The following APBA1 variants were observed in gnomAD, a reference collection of about 807,000 sequenced individuals.
APBA1 encodes amyloid beta precursor protein binding family A member 1, also known as amyloid-beta A4 precursor protein-binding family A member 1.
A neutral mutation model predicts 86.6 loss-of-function variants in APBA1; 55 were observed. The ratio of observed to expected loss-of-function variants is 0.64; its 90% CI spans 0.51 to 0.80. The LOEUF (loss-of-function observed/expected upper bound fraction) is 0.80. Among genes scored for constraint, APBA1 ranks in the 30% least tolerant of loss-of-function variants. APBA1 has a pLI of 0.00. For synonymous variants in APBA1, 511 were observed against 493.9 expected (o/e 1.03, Z -0.46); for missense variants, 1,090 against 1,183.0 (o/e 0.92, Z 1.15).
chr9:69,558,302 C>T (rs1836893333), intron 1 of APBA1, among the ~76,000 whole-genome samples: 1 of 152,040 alleles, frequency 6.6e-6, no homozygotes. Context: ...AGATGTTAAA[C>T]ATTAAATCTG....
chr9:69,558,547 C>T (rs200482384), intron 1 of APBA1, among the ~76,000 whole-genome samples: 123 of 86,530 alleles, frequency 1.4e-3, no homozygotes, highest in South Asian at 6.9e-3. Flanking sequence ...CACACACATA[C>T]ACACACACAC....
intron 1 of APBA1, among the ~76,000 whole-genome samples, chr9:69,549,976 G>A (rs1428049717): frequency 6.6e-6 from 1 of 152,112 alleles, no homozygotes; most frequent in African/African-American, 2.4e-5. Flanking sequence ...CAAATTTGAG[G>A]CACATCATTT....
intron 1 of APBA1, among the ~76,000 whole-genome samples, chr9:69,649,868 A>G (rs1823464300): frequency 6.6e-6 from 1 of 152,124 alleles, no homozygotes; most frequent in African/African-American, 2.4e-5. Context: ...TGGGGAAAGT[A>G]TTCTGTTAAT....
chr9:69,513,431 T>G (rs1836084645), intron 2 of APBA1, among the ~76,000 whole-genome samples: 1 of 152,222 alleles, frequency 6.6e-6, no homozygotes. Context: ...GCCTGCAGCT[T>G]TTTCCTCTGG....
chr9:69,632,788 ATTTTCTT>A (rs1823075034), intron 1 of APBA1, among the ~76,000 whole-genome samples: 1 of 152,086 alleles, frequency 6.6e-6, no homozygotes, highest in South Asian at 2.1e-4. Flanking sequence ...GTTTTTGGGT[ATTTTCTT>A]TCCATTTGCC....
At chr9:69,641,336 G>A (rs536288529) in intron 1 of APBA1, among the ~76,000 whole-genome samples, 4 of 152,240 alleles carry the variant, frequency 2.6e-5, no homozygotes, top group African/African-American at 4.8e-5. Flanking sequence ...TGCCCCAAAT[G>A]ATCCATAGAT....
chr9:69,559,976 T>C (rs531830125), intron 1 of APBA1, among the ~76,000 whole-genome samples: 1 of 152,314 alleles, frequency 6.6e-6, no homozygotes, highest in South Asian at 2.1e-4. Flanking sequence ...TACCAGGACA[T>C]GGAAAGAGCT....
At chr9:69,491,001 T>C (rs1262079417) in intron 2 of APBA1, among the ~76,000 whole-genome samples, 1 of 152,162 alleles carries the variant, frequency 6.6e-6, no homozygotes, top group Admixed American at 6.5e-5. Flanking sequence ...TCTTACACTG[T>C]TGGTGGGACT....
At chr9:69,504,956 C>G (rs766672251) in intron 2 of APBA1, among the ~76,000 whole-genome samples, 15 of 151,924 alleles carry the variant, frequency 9.9e-5, no homozygotes, top group Non-Finnish European at 1.9e-4. Flanking sequence ...TCAGCCATAC[C>G]CCTCATATTT....
chr9:69,481,327 A>G (rs1319282432), intron 2 of APBA1, among the ~76,000 whole-genome samples: 2 of 152,068 alleles, frequency 1.3e-5, no homozygotes, highest in East Asian at 3.9e-4. Flanking sequence ...TTATACACCA[A>G]CAACAGACAA....
intron 1 of APBA1, among the ~76,000 whole-genome samples, chr9:69,609,798 G>T (rs558080840): frequency 1.3e-5 from 2 of 152,176 alleles, no homozygotes; most frequent in African/African-American, 4.8e-5. Flanking sequence ...TGAGTTTGTT[G>T]TTGTTGTTGT....
chr9:69,541,280 A>G (rs10867757), intron 1 of APBA1, among the ~76,000 whole-genome samples: 86,782 of 142,820 alleles, frequency 0.61, 26,829 homozygotes, highest in Non-Finnish European at 0.67. Flanking sequence ...TTTCTATATC[A>G]GCCGAACCAT....
intron 1 of APBA1, among the ~76,000 whole-genome samples, chr9:69,671,026 C>T (rs983644705): frequency 6.6e-6 from 1 of 151,946 alleles, no homozygotes; most frequent in South Asian, 2.1e-4. Context: ...TAAAAGACCG[C>T]CCCCCGCCCC....
chr9:69,435,863 G>A (rs1834706848), intron 11 of APBA1, among the ~76,000 whole-genome samples: 1 of 152,168 alleles, frequency 6.6e-6, no homozygotes, highest in South Asian at 2.1e-4. Context: ...TGAAGTACTT[G>A]CCCATGCCTA....
chr9:69,646,157 T>C (rs921279952), intron 1 of APBA1, among the ~76,000 whole-genome samples: 63 of 152,322 alleles, frequency 4.1e-4, no homozygotes, highest in East Asian at 5.8e-4. Context: ...TCAAGTTTTT[T>C]TATAGAGGCA....
At chr9:69,445,498 G>C (rs2133800528) in intron 10 of APBA1, among the ~76,000 whole-genome samples, 1 of 152,236 alleles carries the variant, frequency 6.6e-6, no homozygotes, top group South Asian at 2.1e-4. Flanking sequence ...CCAGAGAAGA[G>C]GGGCGAAGAG....
At chr9:69,595,077 T>C (rs1822202943) in intron 1 of APBA1, among the ~76,000 whole-genome samples, 1 of 152,178 alleles carries the variant, frequency 6.6e-6, no homozygotes, top group African/African-American at 2.4e-5. Flanking sequence ...ATACAGGTTC[T>C]ACATACATGT....
intron 3 of APBA1, among the ~76,000 whole-genome samples, chr9:69,474,733 CTA>C (rs1185082123): frequency 2.0e-5 from 3 of 152,022 alleles, no homozygotes; most frequent in Non-Finnish European, 4.4e-5. Flanking sequence ...CAGAGAAGGT[CTA>C]TGTTTGTTTG....
At chr9:69,436,180 A>T (rs1344733607) in intron 11 of APBA1, among the ~76,000 whole-genome samples, 1 of 149,942 alleles carries the variant, frequency 6.7e-6, no homozygotes. Flanking sequence ...TGGTTACTAT[A>T]GCCTTGTAGT....
Sources: gnomAD v4.1 joint callset for allele counts (sites outside exome capture counted in the v4.1 genomes callset) on GRCh38, gnomAD v4.1.1 for gene constraint, MANE v1.5 for transcripts, NCBI Gene and HGNC (gene_info 2026-07-23, HGNC 2026-07-21) for gene names.